The following ZNRF1 variants were observed in gnomAD, a reference collection of about 807,000 sequenced individuals.
ZNRF1 encodes E3 ubiquitin-protein ligase ZNRF1.
ZNRF1 carries 3 observed loss-of-function variants against 18.4 expected under a neutral mutation model. The ratio of observed to expected loss-of-function variants is 0.16; its 90% CI spans 0.07 to 0.42. The LOEUF (loss-of-function observed/expected upper bound fraction) is 0.42. Among genes scored for constraint, ZNRF1 ranks in the 10% least tolerant of loss-of-function variants. The pLI, the probability that ZNRF1 is intolerant of heterozygous loss-of-function variation, is 0.99. For synonymous variants in ZNRF1, 157 were observed against 144.2 expected (o/e 1.09, Z -0.64); for missense variants, 310 against 329.8 (o/e 0.94, Z 0.47).
chr16:75,048,666 G>A (rs951083927), intron 1 of ZNRF1, among the ~76,000 whole-genome samples: 1 of 152,140 alleles, frequency 6.6e-6, no homozygotes, highest in South Asian at 2.1e-4. Context: ...TACCAGTTAA[G>A]CATTTTTGGC....
intron 1 of ZNRF1, among the ~76,000 whole-genome samples, chr16:75,071,024 T>C (rs770657664): frequency 3.9e-5 from 6 of 151,974 alleles, no homozygotes; most frequent in Non-Finnish European, 4.4e-5. Flanking sequence ...TGTATTTGCA[T>C]AGGGCACAGC....
chr16:75,054,925 G>A (rs558130808), intron 1 of ZNRF1, among the ~76,000 whole-genome samples: 5 of 152,288 alleles, frequency 3.3e-5, no homozygotes, highest in African/African-American at 1.2e-4. Flanking sequence ...TCTCTTCTTG[G>A]TCTTTTCTCC....
chr16:75,034,014 C>G (rs2035343187), intron 1 of ZNRF1, among the ~76,000 whole-genome samples: 1 of 151,292 alleles, frequency 6.6e-6, no homozygotes, highest in Admixed American at 6.6e-5. Context: ...AGAAATTAGC[C>G]AGGTGTGTTG....
intron 1 of ZNRF1, among the ~76,000 whole-genome samples, chr16:75,024,979 T>TCAC (rs1392832234): frequency 1.6e-4 from 24 of 152,240 alleles, no homozygotes; most frequent in Admixed American, 1.6e-3. Context: ...TATGCTTGTT[T>TCAC]CACAACTTCT....
At chr16:75,033,862 C>T (rs8057237) in intron 1 of ZNRF1, among the ~76,000 whole-genome samples, 3,296 of 152,098 alleles carry the variant, frequency 0.022, 101 homozygotes, top group African/African-American at 0.069. Context: ...AAAAATTACC[C>T]TTGGCCAGGT....
chr16:75,070,498 C>G (rs2035857908), intron 1 of ZNRF1, among the ~76,000 whole-genome samples: 1 of 152,208 alleles, frequency 6.6e-6, no homozygotes, highest in African/African-American at 2.4e-5. Flanking sequence ...CATCCACATC[C>G]ACATTTTTTT....
chr16:75,040,080 TG>T (rs1439559554), intron 1 of ZNRF1, among the ~76,000 whole-genome samples: 7 of 136,690 alleles, frequency 5.1e-5, no homozygotes, highest in African/African-American at 2.0e-4. Flanking sequence ...AGTCTTACTC[TG>T]TCACTCAGGC....
At chr16:75,052,934 A>G (rs1354806792) in intron 1 of ZNRF1, among the ~76,000 whole-genome samples, 1 of 152,200 alleles carries the variant, frequency 6.6e-6, no homozygotes, top group African/African-American at 2.4e-5. Flanking sequence ...AACCCATGTG[A>G]AAATGAGGAG....
At chr16:75,013,548 T>C (rs541515288) in intron 1 of ZNRF1, among the ~76,000 whole-genome samples, 2 of 152,260 alleles carry the variant, frequency 1.3e-5, no homozygotes, top group South Asian at 4.1e-4. Flanking sequence ...GGTTTTACCA[T>C]GTTAGCCAGG....
chr16:75,105,655 T>C (rs377701802), intron 3 of ZNRF1: 1 of 152,314 alleles, frequency 6.6e-6, no homozygotes, highest in African/African-American at 2.4e-5. Context: ...GGAGAGATTC[T>C]TGGTCTAGCT....
chr16:75,095,604 T>C, intron 2 of ZNRF1: 1 of 1,546,444 alleles, frequency 6.5e-7, no homozygotes, highest in Non-Finnish European at 8.7e-7. Flanking sequence ...GTAGGAAGAA[T>C]ACAAAGAAGC....
chr16:75,066,549 C>A (rs935873528), intron 1 of ZNRF1, among the ~76,000 whole-genome samples: 3 of 152,190 alleles, frequency 2.0e-5, no homozygotes, highest in African/African-American at 7.2e-5. Context: ...GTCACCTAGG[C>A]TGCAGTGCAG....
chr16:75,014,767 T>C (rs954967584), intron 1 of ZNRF1, among the ~76,000 whole-genome samples: 2 of 152,120 alleles, frequency 1.3e-5, no homozygotes, highest in Admixed American at 1.3e-4. Context: ...TGAAATAACA[T>C]ATTTTTGCTT....
chr16:75,092,856 A>G (rs554139028), intron 1 of ZNRF1, among the ~76,000 whole-genome samples: 1 of 152,324 alleles, frequency 6.6e-6, no homozygotes, highest in South Asian at 2.1e-4. Context: ...GGGTGATCCA[A>G]CCAAGTGGCT....
intron 1 of ZNRF1, among the ~76,000 whole-genome samples, chr16:75,062,978 T>G (rs866994024): frequency 3.9e-5 from 6 of 152,200 alleles, no homozygotes; most frequent in Middle Eastern, 3.2e-3. Flanking sequence ...AACACAGGGT[T>G]CTTCCAGAAC....
intron 2 of ZNRF1, among the ~76,000 whole-genome samples, chr16:75,100,471 T>C (rs1289201260): frequency 3.3e-5 from 5 of 152,128 alleles, no homozygotes; most frequent in Non-Finnish European, 7.4e-5. Context: ...CTAAGCCTTA[T>C]CCTCATACCT....
At chr16:75,038,548 C>T (rs2035402301) in intron 1 of ZNRF1, among the ~76,000 whole-genome samples, 1 of 152,160 alleles carries the variant, frequency 6.6e-6, no homozygotes, top group Admixed American at 6.5e-5. Flanking sequence ...AGGGGAAGGG[C>T]AGGAGAGGGG....
chr16:75,098,480 T>C (rs1756483658), intron 2 of ZNRF1, among the ~76,000 whole-genome samples: 1 of 152,234 alleles, frequency 6.6e-6, no homozygotes, highest in Non-Finnish European at 1.5e-5. Flanking sequence ...GGCTACACTC[T>C]CTGCTCAAGG....
chr16:75,022,667 C>G (rs2035169096), intron 1 of ZNRF1, among the ~76,000 whole-genome samples: 1 of 152,200 alleles, frequency 6.6e-6, no homozygotes, highest in Admixed American at 6.5e-5. Flanking sequence ...TTCTGAGTTA[C>G]TCTAGCCACA....
Sources: allele counts gnomAD v4.1 joint callset (sites outside exome capture counted in the v4.1 genomes callset), GRCh38; gene constraint gnomAD v4.1.1; transcripts MANE v1.5; gene names NCBI Gene and HGNC (gene_info 2026-07-23, HGNC 2026-07-21).